MX2: variants seen among roughly 807,000 people sequenced by gnomAD.
MX2 encodes interferon-induced GTP-binding protein Mx2.
In MX2, 51 loss-of-function variants were observed where a neutral mutation model predicts 74.0. The observed-to-expected ratio is 0.69, with a 90% CI of 0.55 to 0.87. The LOEUF is 0.87. Ranked by LOEUF, MX2 falls within the 40% of genes least tolerant of loss-of-function variation. The pLI is 0.00. For missense variants in MX2, 832 were observed against 908.7 expected (o/e 0.92, Z 1.09); for synonymous variants, 369 against 339.3 (o/e 1.09, Z -0.96).
rs750143179 is a variant in MX2 at position 41,390,657 on chromosome 21, G to A, written c.825G>A (p.Ala275=). The stretch of plus-strand genomic sequence containing the variant: ...ACGTGGACATTGCCACCACGGAGGC[G>A]CTGAGCATGGCCCATGAGGTGGACC... The part of the protein sequence containing the change: ...PCNVDIATTE[A]LSMAHEVDPE... Residue 275 remains alanine, a synonymous_variant, in exon 6 of 14, where the codon GCG becomes GCA. Coordinates refer to ENST00000330714, the MANE Select transcript of MX2 (RefSeq NM_002463.2). 1.2e-5 allele frequency: 19 copies of A among 1,614,168 alleles called. No homozygotes were observed. Among genetic ancestry groups the A allele is most frequent in the East Asian group, 8.9e-5 (4 of 44,886 alleles).
At position 41,399,155 on chromosome 21, in the gene MX2, T is replaced by C. The variant is rs774632828; in HGVS notation, c.1273-41T>C. ...TGCAACGCCGGTCCCAGTTCTTTCA[T>C]ATGATTTCCGCAAAGACTATTGACT... On this transcript the variant is annotated intron_variant, in intron 9 of 13. Coordinates refer to ENST00000330714, the MANE Select transcript of MX2 (RefSeq NM_002463.2). 1.9e-6 allele frequency: 3 copies of C among 1,606,614 alleles called. No homozygotes were observed. In the South Asian group the frequency reaches 3.3e-5, roughly 18 times the overall value.
intron 10 of MX2, chr21:41,401,608 T>A (rs1042637910): frequency 5.9e-6 from 1 of 168,510 alleles, no homozygotes; most frequent in African/African-American, 2.4e-5. Flanking sequence ...ACTCCTGGCC[T>A]CAAGTGATCC....
rs2089292188 is a variant in MX2 at position 41,368,954 on chromosome 21, G to T, written c.-72+6899G>T. 6.6e-6 allele frequency among the ~76,000 whole-genome samples: 1 copy of T among 152,074 alleles called. No individual in the cohort carries two copies. On this transcript the variant is annotated intron_variant, in intron 1 of 13. Coordinates refer to ENST00000330714, the MANE Select transcript of MX2 (RefSeq NM_002463.2). The surrounding 1 kb of genome is among the most constrained non-coding windows in gnomAD (Gnocchi z 4.6). ...ACCTGAGATCTCACTTGCTAGGGTG[G>T]GTGCCACCAGGCCCACCGAGCTGCT...
intron 3 of MX2, 75 bp downstream of exon 3, chr21:41,378,056 A>G: frequency 1.3e-6 from 2 of 1,493,446 alleles, no homozygotes; most frequent in South Asian, 2.5e-5. Flanking sequence ...CCAGGCACCA[A>G]GAGGTTTTAG....
At chr21:41,381,684 CAAA>C (rs57350601) in intron 4 of MX2, among the ~76,000 whole-genome samples, 3 of 58,442 alleles carry the variant, frequency 5.1e-5, no homozygotes, top group African/African-American at 1.1e-4. Context: ...GACTCTGTCT[CAAA>C]AAAAAAAAAA....
Position 41,386,219 on chromosome 21 carries a change from C to CAAAAAAA in MX2, c.732+3679_732+3685dup, listed in dbSNP as rs59005802. Among the ~76,000 whole-genome samples, 112 of 32,038 alleles carry CAAAAAAA rather than the reference C, an allele frequency of 3.5e-3. 1 individual carries two copies. Among genetic ancestry groups the CAAAAAAA allele is most frequent in the Non-Finnish European group, 4.8e-3 (75 of 15,742 alleles). The allele number at this position is 32,038 out of a possible 152,430, so 21.0% of individuals were successfully genotyped here. The stretch of plus-strand genomic sequence containing the variant: ...TGGGCAACAGAGTAATACTCCATCT[C>CAAAAAAA]AAAAAAAAAAAAAAAAAAAAAAAAA... On this transcript the variant is annotated intron_variant, in intron 5 of 13. Transcript: ENST00000330714.
At chr21:41,403,406 T>C (rs868170036) in intron 12 of MX2, 63 bp downstream of exon 12, 1 of 1,363,700 alleles carries the variant, frequency 7.3e-7, no homozygotes, top group Non-Finnish European at 1.0e-6. Context: ...TTGAGAGAAG[T>C]TGGATATTCA....
intron 2 of MX2, among the ~76,000 whole-genome samples, chr21:41,377,467 T>C (rs1486772967): frequency 6.6e-6 from 1 of 151,894 alleles, no homozygotes; most frequent in Non-Finnish European, 1.5e-5. Context: ...GCTCTGCAGC[T>C]CCCCAACCCA....
intron 6 of MX2, 27 bp downstream of exon 6, chr21:41,390,730 G>T (rs751230106): frequency 1.2e-6 from 2 of 1,611,452 alleles, no homozygotes; most frequent in East Asian, 2.2e-5. Context: ...AAGTGGCCGG[G>T]TGCGGTGGCT....
chr21:41,363,007 C>T lies in MX2; in HGVS notation c.-72+952C>T, dbSNP rs971867601. Reference sequence around the variant, plus strand: ...CTCACTGGCTCAAGAAGTCCTTACGCCTCAACCTCCCAAAGCACTGGGATT... The same window carrying T: ...CTCACTGGCTCAAGAAGTCCTTACGTCTCAACCTCCCAAAGCACTGGGATT... On this transcript the variant is annotated intron_variant, in intron 1 of 13. Transcript: ENST00000330714. This position sits in a 1 kb window ranked among gnomAD's most constrained non-coding sequence, Gnocchi z 4.2. Among the ~76,000 whole-genome samples the T allele has an allele frequency of 6.6e-6, 1 of 152,062 alleles. No individual in the cohort carries two copies. The highest frequency in any genetic ancestry group is 1.9e-4 in the East Asian group (1 of 5,186).
intron 6 of MX2, among the ~76,000 whole-genome samples, chr21:41,392,976 C>T (rs907474007): frequency 1.3e-5 from 2 of 151,806 alleles, no homozygotes; most frequent in African/African-American, 4.8e-5. Flanking sequence ...TGTGGTGGCA[C>T]AGGCCTGTAA....
chr21:41,372,735 A>C (rs986640511), intron 1 of MX2, among the ~76,000 whole-genome samples: 3 of 152,190 alleles, frequency 2.0e-5, no homozygotes. Context: ...AATCATAAGC[A>C]GCTCCAAATG....
At chr21:41,374,393 C>T (rs1324699276) in intron 1 of MX2, among the ~76,000 whole-genome samples, 7 of 152,344 alleles carry the variant, frequency 4.6e-5, no homozygotes, top group East Asian at 1.9e-4. Context: ...TGCCCCTCGC[C>T]GAGTGGAGCC....
chr21:41,373,523 G>T (rs1490976399), intron 1 of MX2, among the ~76,000 whole-genome samples: 1 of 152,130 alleles, frequency 6.6e-6, no homozygotes, highest in Non-Finnish European at 1.5e-5. Flanking sequence ...TTGGAGTTGT[G>T]TGGCTCCCCC....
intron 4 of MX2, 97 bp from the exon 5 acceptor site, chr21:41,382,313 C>T: frequency 2.8e-6 from 4 of 1,437,012 alleles, no homozygotes; most frequent in Non-Finnish European, 3.7e-6. Flanking sequence ...CTGAAGCTCT[C>T]ATACCCTGGA....
rs1422117384 is a variant in MX2, at chr21:41,380,238, A to G, written c.577+87A>G. ...TTCTCCTCTTCCTCAAGTCACCCCC[A>G]CAGTGACCACTCAGCTCCTAGCCCC... On this transcript the variant is annotated intron_variant, in intron 4 of 13. Coordinates refer to ENST00000330714, the MANE Select transcript of MX2 (RefSeq NM_002463.2). This position sits in a 1 kb window ranked among gnomAD's most constrained non-coding sequence, Gnocchi z 4.3. 4.5e-6 allele frequency: 7 copies of G among 1,558,648 alleles called. No individual in the cohort carries two copies. In the East Asian group the frequency reaches 1.6e-4, roughly 35 times the overall value.
chr21:41,391,657 C>T (rs2089661782), intron 6 of MX2, among the ~76,000 whole-genome samples: 1 of 152,182 alleles, frequency 6.6e-6, no homozygotes, highest in East Asian at 1.9e-4. Flanking sequence ...GCTGGGATTA[C>T]AGGTGTGAAC....
intron 6 of MX2, 41 bp downstream of exon 6, chr21:41,390,744 G>A (rs772566976): frequency 1.2e-5 from 19 of 1,605,978 alleles, no homozygotes; most frequent in East Asian, 9.0e-5. Flanking sequence ...GGTGGCTCAA[G>A]CCTGTAATCC....
intron 6 of MX2, 113 bp downstream of exon 6, chr21:41,390,816 T>A: frequency 8.3e-7 from 1 of 1,203,836 alleles, no homozygotes; most frequent in Admixed American, 2.3e-5. Context: ...ACATCCTGGC[T>A]AATCCGGTGA....
Sources: allele counts gnomAD v4.1 joint callset (sites outside exome capture counted in the v4.1 genomes callset), GRCh38; gene constraint gnomAD v4.1.1; non-coding constraint Gnocchi (gnomAD v3.1); transcripts MANE v1.5; gene names NCBI Gene and HGNC (gene_info 2026-07-23, HGNC 2026-07-21).